Variants in IQCH observed in about 807,000 individuals in gnomAD.
IQCH encodes IQ motif containing H.
In IQCH, 98 loss-of-function variants were observed where a neutral mutation model predicts 117.0. That is an observed-to-expected ratio of 0.84 (90% CI 0.71 to 0.99). IQCH has a LOEUF of 0.99. IQCH is among the 50% of genes least tolerant of loss of function. The pLI, the probability that IQCH is intolerant of heterozygous loss-of-function variation, is 0.00. For synonymous variants in IQCH, 412 were observed against 448.2 expected (o/e 0.92, Z 1.02); for missense variants, 1,102 against 1,243.8 (o/e 0.89, Z 1.72).
intron 18 of IQCH, among the ~76,000 whole-genome samples, chr15:67,477,136 C>T (rs566157947): frequency 6.0e-5 from 9 of 148,850 alleles, no homozygotes; most frequent in African/African-American, 9.9e-5. Context: ...TTGCAACCTC[C>T]GCCTCCTGGG....
chr15:67,464,840 A>G (rs929875556), intron 16 of IQCH, among the ~76,000 whole-genome samples: 1 of 152,232 alleles, frequency 6.6e-6, no homozygotes, highest in African/African-American at 2.4e-5. Flanking sequence ...CCATAGGCAG[A>G]AAAATCAAAG....
At chr15:67,272,538 A>G (rs970937555) in intron 3 of IQCH, among the ~76,000 whole-genome samples, 9 of 152,154 alleles carry the variant, frequency 5.9e-5, no homozygotes, top group Non-Finnish European at 8.8e-5. Context: ...GTCCCTTACT[A>G]TTATTGTGTT....
At chr15:67,259,882 C>T (rs1431536313) in intron 1 of IQCH, among the ~76,000 whole-genome samples, 1 of 152,196 alleles carries the variant, frequency 6.6e-6, no homozygotes, top group African/African-American at 2.4e-5. Context: ...ATTCAGATTT[C>T]AATCTGTGAG....
rs1268969259 is a variant in IQCH, at chr15:67,427,689, A to T, written c.2505+6112A>T. ...AAAGCACTTATTTTCTGTATCAGCA[A>T]ATTCAAATGTTAATAATAATCATCC... On this transcript the variant is annotated intron_variant, in intron 16 of 20. Transcript: ENST00000335894. This position sits in a 1 kb window ranked among gnomAD's most constrained non-coding sequence, Gnocchi z 4.7. Among the ~76,000 whole-genome samples, 2 of 152,198 alleles carry T rather than the reference A, an allele frequency of 1.3e-5. No homozygotes were observed. The highest frequency in any genetic ancestry group is 2.9e-5 in the Non-Finnish European group (2 of 68,044).
rs565554216 is a variant in IQCH, at chr15:67,337,132, C to T, written c.508+37C>T. On this transcript the variant is annotated intron_variant, in intron 5 of 20. Transcript: ENST00000335894. ...AATAGCCATTTTACGTGTTTAGGAA[C>T]GGAAAAGAAAGAGCATTGAGGTAGG... 7.0e-5 allele frequency: 113 copies of T among 1,608,780 alleles called. No homozygotes were observed. In the East Asian group the frequency reaches 8.9e-4, roughly 13 times the overall value.
chr15:67,349,392 G>A (rs1467437256), intron 6 of IQCH, among the ~76,000 whole-genome samples: 1 of 152,288 alleles, frequency 6.6e-6, no homozygotes, highest in Admixed American at 6.5e-5. Context: ...GCCAAGTTGG[G>A]TGGATCACTT....
At chr15:67,482,914 T>G (rs926966553) in intron 18 of IQCH, among the ~76,000 whole-genome samples, 1 of 152,192 alleles carries the variant, frequency 6.6e-6, no homozygotes, top group Non-Finnish European at 1.5e-5. Flanking sequence ...GAGGTTTACT[T>G]TGGTGAGCTG....
At chr15:67,323,414 T>C (rs1968240978) in intron 4 of IQCH, among the ~76,000 whole-genome samples, 1 of 151,948 alleles carries the variant, frequency 6.6e-6, no homozygotes, top group Non-Finnish European at 1.5e-5. Flanking sequence ...GGCTAATTTT[T>C]TGTATTTTTA....
intron 5 of IQCH, among the ~76,000 whole-genome samples, chr15:67,341,581 C>A (rs1969176910): frequency 6.6e-6 from 1 of 152,150 alleles, no homozygotes; most frequent in Admixed American, 6.5e-5. Context: ...TGAGATACAT[C>A]ATTTCTGATT....
chr15:67,279,563 G>C lies in IQCH; in HGVS notation c.387+51G>C, dbSNP rs975956350. On this transcript the variant is annotated intron_variant, in intron 4 of 20. Transcript: ENST00000335894. ...CAGAAAGTAGTTTAGTGATTGCCAG[G>C]GGCTGGGAGGAGCAGAGACTAGGAG... is the stretch of plus-strand genomic sequence containing the variant. 8 of 1,042,844 alleles carry C rather than the reference G, an allele frequency of 7.7e-6. No individual in the cohort carries two copies. In the African/African-American group the frequency reaches 1.3e-4, roughly 17 times the overall value. The allele number at this position is 1,042,844 out of a possible 1,614,324, so 64.6% of individuals were successfully genotyped here.
rs781398350 is a variant in IQCH, at chr15:67,261,227, CTA to C, written c.52-43_52-42del. The C allele has an allele frequency of 1.5e-4, 207 of 1,344,146 alleles. 1 individual carries two copies. Among genetic ancestry groups the C allele is most frequent in the Middle Eastern group, 5.2e-4 (2 of 3,868 alleles). 83.3% of individuals were successfully genotyped at this position (1,344,146 alleles called of 1,614,324 possible). ...AAGATAAATAACTGCTATAGGTGGACTATGTGTGGATTATTTCAATATTTTTC... is the reference window on the plus strand; with the variant it reads ...AAGATAAATAACTGCTATAGGTGGACTGTGTGGATTATTTCAATATTTTTC... On this transcript the variant is annotated intron_variant, in intron 1 of 20. Coordinates refer to ENST00000335894, the MANE Select transcript of IQCH (RefSeq NM_001031715.3).
intron 16 of IQCH, among the ~76,000 whole-genome samples, chr15:67,446,426 A>AG (rs1330585872): frequency 6.6e-6 from 1 of 150,714 alleles, no homozygotes; most frequent in Non-Finnish European, 1.5e-5. Context: ...AAGGAGAAAG[A>AG]GGGGGAAAAG....
chr15:67,348,132 G>A (rs1391798380), intron 6 of IQCH, among the ~76,000 whole-genome samples: 1 of 152,000 alleles, frequency 6.6e-6, no homozygotes, highest in Non-Finnish European at 1.5e-5. Flanking sequence ...GATAAAAGAT[G>A]TCTACAACTA....
chr15:67,442,237 C>T (rs2082287440), intron 16 of IQCH, among the ~76,000 whole-genome samples: 1 of 151,696 alleles, frequency 6.6e-6, no homozygotes, highest in African/African-American at 2.4e-5. Flanking sequence ...ATGGAGAAAC[C>T]CCATGTCTAC....
chr15:67,372,370 C>T lies in IQCH; in HGVS notation c.1013C>T (p.Thr338Ile). ...GAGTTTGAGCTGACGAATAAACTTA[C>T]CAGATATGACCTTCTCTCAGTGTTA... Reference protein sequence around the residue: ...LPEFELTNKLTRYDLLSVLED... With the variant: ...LPEFELTNKLIRYDLLSVLED... The change falls in exon 9 of 21, where the codon ACC (threonine) becomes ATC (isoleucine). Residue 338 changes from threonine to isoleucine, a missense_variant. Thr to Ile is a moderately conservative substitution (Grantham distance 89). Coordinates refer to ENST00000335894, the MANE Select transcript of IQCH (RefSeq NM_001031715.3). 6.2e-7 allele frequency: 1 copy of T among 1,613,976 alleles called. No homozygotes were observed. Among genetic ancestry groups the T allele is most frequent in the East Asian group, 2.2e-5 (1 of 44,900 alleles).
intron 8 of IQCH, among the ~76,000 whole-genome samples, chr15:67,368,374 G>A (rs924924350): frequency 2.6e-5 from 4 of 152,188 alleles, no homozygotes; most frequent in Admixed American, 2.6e-4. Flanking sequence ...CTGAGGTCCT[G>A]ATGTTTATTC....
chr15:67,351,253 C>A (rs796076430), intron 6 of IQCH, among the ~76,000 whole-genome samples: 3 of 152,158 alleles, frequency 2.0e-5, no homozygotes, highest in African/African-American at 4.8e-5. Flanking sequence ...CCCCCACCCC[C>A]CAACAGTCCC....
chr15:67,283,544 A>C (rs1966448513), intron 4 of IQCH, among the ~76,000 whole-genome samples: 1 of 151,856 alleles, frequency 6.6e-6, no homozygotes, highest in African/African-American at 2.4e-5. Flanking sequence ...TCTATTGACT[A>C]TCCGTGACAG....
Position 67,463,184 on chromosome 15 carries a change from G to A in IQCH, c.2506-1943G>A, listed in dbSNP as rs186950692. On this transcript the variant is annotated intron_variant, in intron 16 of 20. Transcript: ENST00000335894. The surrounding 1 kb of genome is among the most constrained non-coding windows in gnomAD (Gnocchi z 4.0). Reference sequence around the variant, plus strand: ...ATTTTAACACACAGAGTTGGTGAGCGGGGTAAATACAGGCCTTCTAGGAGG... The same window carrying A: ...ATTTTAACACACAGAGTTGGTGAGCAGGGTAAATACAGGCCTTCTAGGAGG... Among the ~76,000 whole-genome samples, 11 of 152,254 alleles carry A rather than the reference G, an allele frequency of 7.2e-5. No homozygotes were observed. The highest frequency in any genetic ancestry group is 3.9e-4 in the East Asian group (2 of 5,186).
Sources: allele counts gnomAD v4.1 joint callset (sites outside exome capture counted in the v4.1 genomes callset), GRCh38; gene constraint gnomAD v4.1.1; non-coding constraint Gnocchi (gnomAD v3.1); transcripts MANE v1.5; gene names NCBI Gene and HGNC (gene_info 2026-07-23, HGNC 2026-07-21).